Variants in MYT1L observed in about 807,000 individuals in gnomAD.
MYT1L encodes the protein myelin transcription factor 1 like.
In MYT1L, 12 loss-of-function variants were observed where a neutral mutation model predicts 126.7. The observed-to-expected ratio is 0.09, with a 90% CI of 0.06 to 0.15. MYT1L has a LOEUF of 0.15. Among genes scored for constraint, MYT1L ranks in the 10% least tolerant of loss-of-function variants. MYT1L has a pLI of 1.00. For missense variants in MYT1L, 979 were observed against 1,585.2 expected (o/e 0.62, Z 6.49); for synonymous variants, 541 against 604.2 (o/e 0.90, Z 1.53).
chr2:2,090,310 G>A (rs2076784150), intron 3 of MYT1L, among the ~76,000 whole-genome samples: 1 of 152,074 alleles, frequency 6.6e-6, no homozygotes, highest in Non-Finnish European at 1.5e-5. Context: ...ACAATAAAGG[G>A]AATACGGTAA....
intron 18 of MYT1L, among the ~76,000 whole-genome samples, chr2:1,878,099 T>C (rs1466083457): frequency 6.6e-6 from 1 of 152,268 alleles, no homozygotes; most frequent in Non-Finnish European, 1.5e-5. Context: ...TGTGAATTTC[T>C]GCCCATGCTT....
intron 3 of MYT1L, among the ~76,000 whole-genome samples, chr2:2,128,776 A>G (rs2082016021): frequency 6.6e-6 from 1 of 152,212 alleles, no homozygotes; most frequent in Non-Finnish European, 1.5e-5. Context: ...GTCATATTAA[A>G]TGGAGAAATG....
intron 1 of MYT1L, among the ~76,000 whole-genome samples, chr2:2,305,631 A>G (rs920972712): frequency 6.6e-6 from 1 of 152,190 alleles, no homozygotes; most frequent in African/African-American, 2.4e-5. Context: ...TTATAAAGAA[A>G]AGAGGTTTAA....
intron 3 of MYT1L, among the ~76,000 whole-genome samples, chr2:2,145,000 C>T (rs992679412): frequency 6.6e-6 from 1 of 152,188 alleles, no homozygotes; most frequent in Non-Finnish European, 1.5e-5. Flanking sequence ...TATCTCTGAT[C>T]ATGAAGACTA....
chr2:1,977,864 T>C (rs967854571), intron 8 of MYT1L, among the ~76,000 whole-genome samples: 1 of 152,226 alleles, frequency 6.6e-6, no homozygotes, highest in African/African-American at 2.4e-5. Flanking sequence ...TGCTGACATA[T>C]ATATTTCTTC....
chr2:2,010,610 G>A (rs926891615), intron 4 of MYT1L, among the ~76,000 whole-genome samples: 1 of 152,052 alleles, frequency 6.6e-6, no homozygotes, highest in Admixed American at 6.5e-5. Context: ...TGATCGATCC[G>A]ACGCCCTTCT....
At chr2:2,315,371 C>T (rs1343231953) in intron 1 of MYT1L, among the ~76,000 whole-genome samples, 1 of 152,110 alleles carries the variant, frequency 6.6e-6, no homozygotes, top group African/African-American at 2.4e-5. Flanking sequence ...TCAATATATT[C>T]TCTGTCTATG....
chr2:1,826,303 G>T (rs962353106), intron 21 of MYT1L, among the ~76,000 whole-genome samples: 1 of 152,248 alleles, frequency 6.6e-6, no homozygotes, highest in Non-Finnish European at 1.5e-5. Context: ...GGCGCAGAGG[G>T]CCCTGCTGAA....
At chr2:2,131,188 C>G (rs1277451168) in intron 3 of MYT1L, among the ~76,000 whole-genome samples, 5 of 152,288 alleles carry the variant, frequency 3.3e-5, no homozygotes, top group African/African-American at 1.2e-4. Context: ...ACCAGGTACA[C>G]AGAGCTCACC....
chr2:2,005,829 A>G (rs1321386707), intron 4 of MYT1L, among the ~76,000 whole-genome samples: 21 of 124,434 alleles, frequency 1.7e-4, no homozygotes, highest in Non-Finnish European at 3.2e-4. Context: ...TCTTTCCTGC[A>G]TGCCTTCTTT....
chr2:2,209,240 G>A (rs978973938), intron 2 of MYT1L, among the ~76,000 whole-genome samples: 1 of 151,976 alleles, frequency 6.6e-6, no homozygotes, highest in African/African-American at 2.4e-5. Context: ...TATCCTTTGT[G>A]TTACAAAAAA....
intron 2 of MYT1L, among the ~76,000 whole-genome samples, chr2:2,217,685 CAACAACAACAA>C (rs1239654419): frequency 2.5e-5 from 2 of 79,634 alleles, no homozygotes; most frequent in Non-Finnish European, 4.9e-5. Context: ...ACAACAACAA[CAACAACAACAA>C]CAACAACAAC....
At chr2:2,071,048 A>C (rs957436230) in intron 3 of MYT1L, among the ~76,000 whole-genome samples, 1 of 152,150 alleles carries the variant, frequency 6.6e-6, no homozygotes, top group African/African-American at 2.4e-5. Flanking sequence ...TGAAGTCTAA[A>C]AAATAAAAGG....
intron 3 of MYT1L, among the ~76,000 whole-genome samples, chr2:2,166,205 C>T (rs373743849): frequency 9.2e-5 from 14 of 152,206 alleles, no homozygotes; most frequent in African/African-American, 3.1e-4. Context: ...CCTCTCTCTC[C>T]CACCGTTATA....
chr2:1,835,086 G>T (rs6729932), intron 21 of MYT1L, among the ~76,000 whole-genome samples: 2 of 125,700 alleles, frequency 1.6e-5, no homozygotes, highest in Non-Finnish European at 3.2e-5. Flanking sequence ...TATACCACGG[G>T]GATGGATACA....
chr2:2,059,308 G>A lies in MYT1L; in HGVS notation c.-303-5185C>T, dbSNP rs543370775. On this transcript the variant is annotated intron_variant, in intron 3 of 24. Coordinates refer to ENST00000647738, the MANE Select transcript of MYT1L (RefSeq NM_001303052.2). This position sits in a 1 kb window ranked among gnomAD's most constrained non-coding sequence, Gnocchi z 4.7. ...TTTATTATTTCCAGTGACTTTCCAT[G>A]AAAGCACATGCCATCTTGTCCCATG... 1.3e-5 allele frequency among the ~76,000 whole-genome samples: 2 copies of A among 151,296 alleles called. No individual in the cohort carries two copies. The highest frequency in any genetic ancestry group is 4.1e-4 in the South Asian group (2 of 4,822).
In MYT1L at chr2:2,266,305, T is replaced by C. The variant is rs545246476; in HGVS notation, c.-421+18099A>G. Among the ~76,000 whole-genome samples the C allele has an allele frequency of 3.3e-4, 51 of 152,330 alleles. No homozygotes were observed. The South Asian group carries it at 0.01, about 31-fold the overall frequency. On this transcript the variant is annotated intron_variant, in intron 2 of 24. Transcript: ENST00000647738. ...AATATGACATTGCTCCCCTTGGGAA[T>C]ACTCATTCCTTGTGCAATGGAAACT... is the stretch of plus-strand genomic sequence containing the variant.
At chr2:1,937,105 G>A (rs2055994960) in intron 9 of MYT1L, among the ~76,000 whole-genome samples, 1 of 152,180 alleles carries the variant, frequency 6.6e-6, no homozygotes, top group African/African-American at 2.4e-5. Context: ...ATACTAGAAT[G>A]GAACAGGCAC....
chr2:1,823,046 T>C (rs2038779694), intron 21 of MYT1L, among the ~76,000 whole-genome samples: 1 of 152,226 alleles, frequency 6.6e-6, no homozygotes, highest in Non-Finnish European at 1.5e-5. Flanking sequence ...AGGGACCTTA[T>C]TGCACCTCGT....
Sources: gnomAD v4.1 joint callset for allele counts (sites outside exome capture counted in the v4.1 genomes callset) on GRCh38, gnomAD v4.1.1 for gene constraint, Gnocchi (gnomAD v3.1) non-coding constraint, MANE v1.5 for transcripts, NCBI Gene and HGNC (gene_info 2026-07-23, HGNC 2026-07-21) for gene names.